The following SGTA variants were observed in gnomAD, a reference collection of about 807,000 sequenced individuals.
SGTA encodes the protein small glutamine rich tetratricopeptide repeat co-chaperone alpha, also known as small glutamine-rich tetratricopeptide repeat-containing protein alpha.
A neutral mutation model predicts 44.3 loss-of-function variants in SGTA; 22 were observed. The observed-to-expected ratio is 0.50, with a 90% CI of 0.36 to 0.71. The LOEUF is 0.71. Ranked by LOEUF, SGTA falls within the 30% of genes least tolerant of loss-of-function variation. The pLI, the probability that SGTA is intolerant of heterozygous loss-of-function variation, is 0.00. For missense variants in SGTA, 341 were observed against 435.9 expected (o/e 0.78, Z 1.94); for synonymous variants, 174 against 177.6 (o/e 0.98, Z 0.16).
At chr19:2,757,240 C>T (rs1385836480) in intron 11 of SGTA, 97 bp downstream of exon 11, 2 of 1,433,550 alleles carry the variant, frequency 1.4e-6, no homozygotes, top group Non-Finnish European at 1.9e-6. Context: ...GCTCCACAGC[C>T]CCCGGGCGTC....
At chr19:2,771,575 C>CGGGGGGGGG (rs5741784) in intron 1 of SGTA, among the ~76,000 whole-genome samples, 3 of 109,288 alleles carry the variant, frequency 2.7e-5, no homozygotes, top group African/African-American at 1.1e-4. Context: ...ACCTCCCCAT[C>CGGGGGGGGG]GGGGGGGGGG....
rs371637150 is a variant in SGTA, at chr19:2,762,572, G to C, written c.570C>G (p.Pro190=). 148 of 1,613,938 alleles carry C rather than the reference G, an allele frequency of 9.2e-5. No individual in the cohort carries two copies. Among genetic ancestry groups the C allele is most frequent in the Middle Eastern group, 1.6e-4 (1 of 6,084 alleles). Residue 190 remains proline, a synonymous_variant, in exon 7 of 12, where the codon CCC becomes CCG. Coordinates refer to ENST00000221566, the MANE Select transcript of SGTA (RefSeq NM_003021.4). Reference sequence around the variant, plus strand: ...GGTTGGACTTGTATGTCTCGTTGTCGGGGTCCAGCTCCAGAGCCTTCTTGT... The same window carrying C: ...GGTTGGACTTGTATGTCTCGTTGTCCGGGTCCAGCTCCAGAGCCTTCTTGT... ...AYYKKALELD[P]DNETYKSNLK...
Position 2,761,591 on chromosome 19 carries a change from T to A in SGTA, c.637-69A>T. On this transcript the variant is annotated intron_variant, in intron 7 of 11. Transcript: ENST00000221566. This position sits in a 1 kb window ranked among gnomAD's most constrained non-coding sequence, Gnocchi z 5.7. ...GCCACGGTGAATAACCCCCTGGAAC[T>A]CAGAAACAACGGCCCCCCACGGGGC... 1 of 1,331,050 alleles carries A rather than the reference T, an allele frequency of 7.5e-7. No individual in the cohort carries two copies. The highest frequency in any genetic ancestry group is 1.1e-6 in the Non-Finnish European group (1 of 949,052). 82.5% of individuals were successfully genotyped at this position (1,331,050 alleles called of 1,614,324 possible).
At chr19:2,758,607 C>T (rs996029745) in intron 9 of SGTA, among the ~76,000 whole-genome samples, 7 of 152,128 alleles carry the variant, frequency 4.6e-5, no homozygotes, top group African/African-American at 1.7e-4. Flanking sequence ...GGGGAGTGAC[C>T]CTATGAGCCA....
intron 8 of SGTA, among the ~76,000 whole-genome samples, chr19:2,760,654 C>G (rs1246572389): frequency 6.6e-6 from 1 of 151,974 alleles, no homozygotes; most frequent in Non-Finnish European, 1.5e-5. Context: ...CCTTGAAAGA[C>G]TGGGGCCCAG....
rs372876808 is a variant in SGTA, at chr19:2,774,860, ATG to A, written c.-23-5771_-23-5770del. Reference sequence around the variant, plus strand: ...TTTTGCTGAAGCTGTGTGCGCGCGCATGTGTGTGTGTGCGTGCATGTCTCTCC... The same window carrying A: ...TTTTGCTGAAGCTGTGTGCGCGCGCATGTGTGTGTGCGTGCATGTCTCTCC... On this transcript the variant is annotated intron_variant, in intron 1 of 11. Transcript: ENST00000221566. 2.0e-5 allele frequency among the ~76,000 whole-genome samples: 3 copies of A among 151,952 alleles called. No individual in the cohort carries two copies. In the East Asian group the frequency reaches 5.8e-4, roughly 29 times the overall value.
Position 2,761,689 on chromosome 19 carries a change from G to A in SGTA, c.637-167C>T, listed in dbSNP as rs1045114991. Among the ~76,000 whole-genome samples, 11 of 151,966 alleles carry A rather than the reference G, an allele frequency of 7.2e-5. No homozygotes were observed. The highest frequency in any genetic ancestry group is 2.2e-4 in the African/African-American group (9 of 41,288). On this transcript the variant is annotated intron_variant, in intron 7 of 11. Transcript: ENST00000221566. This position sits in a 1 kb window ranked among gnomAD's most constrained non-coding sequence, Gnocchi z 5.7. Reference sequence around the variant, plus strand: ...AGCACGAAGCACATCGCAACCGCCCGGGGACGGCACAGTCTGTCATCCCGT... The same window carrying A: ...AGCACGAAGCACATCGCAACCGCCCAGGGACGGCACAGTCTGTCATCCCGT...
intron 1 of SGTA, among the ~76,000 whole-genome samples, chr19:2,775,234 T>C (rs10414951): frequency 0.02 from 3,098 of 152,350 alleles, 109 homozygotes; most frequent in African/African-American, 0.071. Context: ...GGCAGGCGCC[T>C]GACCTGCCCC....
chr19:2,759,972 A>AAAATAAAT (rs989417612), intron 8 of SGTA, among the ~76,000 whole-genome samples: 1 of 151,984 alleles, frequency 6.6e-6, no homozygotes, highest in Non-Finnish European at 1.5e-5. Flanking sequence ...AAAAGAAGTA[A>AAAATAAAT]AAATAAATAA....
Position 2,768,788 on chromosome 19 carries a change from G to A in SGTA, c.100+181C>T, listed in dbSNP as rs369224851. Reference sequence around the variant, plus strand: ...AGTGGCAGGCGGGAGGGCTCAGCTCGGCCCTGGCTCCCACGGCCGGGGGCT... The same window carrying A: ...AGTGGCAGGCGGGAGGGCTCAGCTCAGCCCTGGCTCCCACGGCCGGGGGCT... On this transcript the variant is annotated intron_variant, in intron 2 of 11. Coordinates refer to ENST00000221566, the MANE Select transcript of SGTA (RefSeq NM_003021.4). Among the ~76,000 whole-genome samples, 25 of 152,344 alleles carry A rather than the reference G, an allele frequency of 1.6e-4. No individual in the cohort carries two copies. The South Asian group carries it at 4.8e-3, about 29-fold the overall frequency.
chr19:2,772,601 C>T (rs940619644), intron 1 of SGTA, among the ~76,000 whole-genome samples: 15 of 152,226 alleles, frequency 9.9e-5, no homozygotes, highest in Non-Finnish European at 5.9e-5. Flanking sequence ...CCTTGGAATG[C>T]GACCTCACCT....
intron 2 of SGTA, 36 bp downstream of exon 2, chr19:2,768,933 C>T (rs750186857): frequency 1.3e-6 from 2 of 1,508,946 alleles, no homozygotes; most frequent in African/African-American, 1.4e-5. Context: ...CTGGCCGCTG[C>T]CCGGGGAGAG....
In SGTA at chr19:2,759,303, C is replaced by G; in HGVS notation, c.700-9G>C. 2 of 1,613,622 alleles carry G rather than the reference C, an allele frequency of 1.2e-6. No homozygotes were observed. Among genetic ancestry groups the G allele is most frequent in the South Asian group, 2.2e-5 (2 of 91,038 alleles). On this transcript the variant is annotated splice_polypyrimidine_tract_variant and intron_variant, in intron 8 of 11. Transcript: ENST00000221566. The stretch of plus-strand genomic sequence containing the variant: ...TTCATTAGGTTCGAAGCCTGAAGAA[C>G]AGAACAAATTTGTCAGGAAGACAAA...
intron 11 of SGTA, 111 bp downstream of exon 11, chr19:2,757,226 A>T: frequency 7.5e-7 from 1 of 1,341,560 alleles, no homozygotes; most frequent in Non-Finnish European, 1.0e-6. Flanking sequence ...CAGTGTCCAG[A>T]CAGGCTCCAC....
chr19:2,755,553 G>A lies in SGTA; in HGVS notation c.*387C>T. The A allele has an allele frequency of 1.0e-6, 1 of 986,046 alleles. No homozygotes were observed. The highest frequency in any genetic ancestry group is 1.2e-6 in the Non-Finnish European group (1 of 830,144). The allele number at this position is 986,046 out of a possible 1,614,324, so 61.1% of individuals were successfully genotyped here. The stretch of plus-strand genomic sequence containing the variant: ...GACAGACCACGGGATGGGGGGCGGG[G>A]GCTGTAAAAGGCTTTGGAAGCCACA... On this transcript the variant is annotated 3_prime_UTR_variant, in exon 12 of 12. Coordinates refer to ENST00000221566, the MANE Select transcript of SGTA (RefSeq NM_003021.4). The surrounding 1 kb of genome is among the most constrained non-coding windows in gnomAD (Gnocchi z 5.2).
chr19:2,759,303 C>A lies in SGTA; in HGVS notation c.700-9G>T. On this transcript the variant is annotated splice_polypyrimidine_tract_variant and intron_variant, in intron 8 of 11. Transcript: ENST00000221566. ...TTCATTAGGTTCGAAGCCTGAAGAA[C>A]AGAACAAATTTGTCAGGAAGACAAA... 2 of 1,613,622 alleles carry A rather than the reference C, an allele frequency of 1.2e-6. No homozygotes were observed. Among genetic ancestry groups the A allele is most frequent in the South Asian group, 2.2e-5 (2 of 91,038 alleles).
At chr19:2,757,640 G>A in intron 10 of SGTA, 53 bp downstream of exon 10, 7 of 1,475,644 alleles carry the variant, frequency 4.7e-6, no homozygotes, top group Admixed American at 2.3e-5. Context: ...TTCCGCCTGC[G>A]AGCCCTGCCC....
chr19:2,775,255 A>T (rs1915419016), intron 1 of SGTA, among the ~76,000 whole-genome samples: 1 of 152,312 alleles, frequency 6.6e-6, no homozygotes, highest in East Asian at 1.9e-4. Context: ...CACACTCAAG[A>T]TCAGAGGCGT....
chr19:2,758,658 C>T (rs147995871), intron 9 of SGTA, among the ~76,000 whole-genome samples: 3 of 152,304 alleles, frequency 2.0e-5, no homozygotes, highest in African/African-American at 2.4e-5. Context: ...GAAACGAAAA[C>T]AGGATTCACA....
Sources: gnomAD v4.1 joint callset for allele counts (sites outside exome capture counted in the v4.1 genomes callset) on GRCh38, gnomAD v4.1.1 for gene constraint, Gnocchi (gnomAD v3.1) non-coding constraint, MANE v1.5 for transcripts, NCBI Gene and HGNC (gene_info 2026-07-23, HGNC 2026-07-21) for gene names.